Variants in ERC2 observed in about 807,000 individuals in gnomAD.
ERC2 encodes ELKS/RAB6-interacting/CAST family member 2, also known as ERC protein 2.
In ERC2, 42 loss-of-function variants were observed where a neutral mutation model predicts 114.8. That is an observed-to-expected ratio of 0.37 (90% confidence interval 0.29 to 0.47). The LOEUF is 0.47. Among genes scored for constraint, ERC2 ranks in the 20% least tolerant of loss-of-function variants. The pLI is 0.99. For synonymous variants in ERC2, 454 were observed against 425.5 expected (o/e 1.07, Z -0.82); for missense variants, 939 against 1,150.7 (o/e 0.82, Z 2.66).
At chr3:56,206,596 T>C (rs1204719805) in intron 3 of ERC2, among the ~76,000 whole-genome samples, 2 of 152,222 alleles carry the variant, frequency 1.3e-5, no homozygotes, top group African/African-American at 4.8e-5. Context: ...GTACTCTGTG[T>C]GTATAAATAT....
intron 14 of ERC2, among the ~76,000 whole-genome samples, chr3:55,810,112 T>C (rs777177595): frequency 1.3e-5 from 2 of 152,180 alleles, no homozygotes; most frequent in Non-Finnish European, 2.9e-5. Flanking sequence ...TCCATCTTAG[T>C]CCTCCATTCA....
chr3:55,568,958 G>A (rs2056540527), intron 17 of ERC2, among the ~76,000 whole-genome samples: 1 of 152,102 alleles, frequency 6.6e-6, no homozygotes, highest in South Asian at 2.1e-4. Context: ...CTTTGCATGT[G>A]CTCTTCTCAC....
At chr3:55,983,670 T>C (rs2070342334) in intron 12 of ERC2, among the ~76,000 whole-genome samples, 1 of 152,170 alleles carries the variant, frequency 6.6e-6, no homozygotes, top group Admixed American at 6.5e-5. Flanking sequence ...GTTACTGCAG[T>C]TTCCAAACTT....
At chr3:55,591,608 C>CGT (rs2057894066) in intron 17 of ERC2, among the ~76,000 whole-genome samples, 5 of 151,564 alleles carry the variant, frequency 3.3e-5, no homozygotes, top group African/African-American at 1.2e-4. Context: ...TGTGCGCGCG[C>CGT]GTGTGGTTTT....
At chr3:55,628,647 T>C (rs2059619118) in intron 17 of ERC2, among the ~76,000 whole-genome samples, 1 of 152,174 alleles carries the variant, frequency 6.6e-6, no homozygotes. Context: ...TTCCTTGGAT[T>C]CCAGTCCTAA....
chr3:56,154,840 G>C (rs928487654), intron 4 of ERC2, among the ~76,000 whole-genome samples: 37 of 152,256 alleles, frequency 2.4e-4, no homozygotes, highest in African/African-American at 8.7e-4. Context: ...CCCTAAGAGA[G>C]TGAAAAGTTG....
At chr3:55,532,803 TC>T (rs1324048306) in intron 17 of ERC2, among the ~76,000 whole-genome samples, 5 of 152,224 alleles carry the variant, frequency 3.3e-5, no homozygotes, top group Admixed American at 2.0e-4. Flanking sequence ...TCTCAGTTAA[TC>T]GGTTCACTTT....
chr3:55,843,060 G>A (rs1361022071), intron 14 of ERC2, among the ~76,000 whole-genome samples: 1 of 152,116 alleles, frequency 6.6e-6, no homozygotes, highest in Non-Finnish European at 1.5e-5. Context: ...GCTGGCCTGT[G>A]GTATACAACA....
At chr3:56,409,017 C>G (rs1287841405) in intron 2 of ERC2, among the ~76,000 whole-genome samples, 1 of 152,238 alleles carries the variant, frequency 6.6e-6, no homozygotes, top group African/African-American at 2.4e-5. Flanking sequence ...ATGTTGTCAT[C>G]AATCCAGTGA....
At chr3:56,123,659 C>A (rs963790274) in intron 6 of ERC2, among the ~76,000 whole-genome samples, 1 of 152,230 alleles carries the variant, frequency 6.6e-6, no homozygotes, top group African/African-American at 2.4e-5. Flanking sequence ...TCTGGCTCCA[C>A]AGAGGCCATT....
At chr3:55,873,637 T>C (rs1054285335) in intron 14 of ERC2, among the ~76,000 whole-genome samples, 3 of 152,304 alleles carry the variant, frequency 2.0e-5, no homozygotes, top group Middle Eastern at 3.4e-3. Flanking sequence ...CCTCAACCAA[T>C]CTAGTTTTCC....
At chr3:55,937,891 A>T (rs1255879635) in intron 13 of ERC2, among the ~76,000 whole-genome samples, 2 of 152,230 alleles carry the variant, frequency 1.3e-5, no homozygotes, top group Non-Finnish European at 2.9e-5. Flanking sequence ...AGTGGTCATC[A>T]GAGCCAGGGA....
At position 56,192,298 on chromosome 3, in the gene ERC2, T is replaced by C. The variant is rs577012157; in HGVS notation, c.1075-18778A>G. ...GTTTGCTAAATTTACTTAACTTCTTTAAGTTCCATCCATGTTTAAAATGAG... is the reference window on the plus strand; with the variant it reads ...GTTTGCTAAATTTACTTAACTTCTTCAAGTTCCATCCATGTTTAAAATGAG... On this transcript the variant is annotated intron_variant, in intron 3 of 17. Transcript: ENST00000288221. 3.3e-5 allele frequency among the ~76,000 whole-genome samples: 5 copies of C among 152,330 alleles called. No individual in the cohort carries two copies. In the South Asian group the frequency reaches 1.0e-3, roughly 32 times the overall value.
chr3:56,042,919 A>G (rs566710819), intron 7 of ERC2, among the ~76,000 whole-genome samples: 1 of 152,220 alleles, frequency 6.6e-6, no homozygotes, highest in Non-Finnish European at 1.5e-5. Flanking sequence ...AAATTGTCCT[A>G]AAACGGAACA....
At chr3:56,176,498 T>C (rs1181894669) in intron 3 of ERC2, among the ~76,000 whole-genome samples, 1 of 152,174 alleles carries the variant, frequency 6.6e-6, no homozygotes, top group Non-Finnish European at 1.5e-5. Context: ...TATATTATAA[T>C]ACAAACCAGC....
At chr3:56,401,449 T>C (rs2060516518) in intron 2 of ERC2, among the ~76,000 whole-genome samples, 1 of 152,232 alleles carries the variant, frequency 6.6e-6, no homozygotes, top group African/African-American at 2.4e-5. Context: ...AATCAATATT[T>C]ATTTCTATCA....
At chr3:56,439,769 T>C (rs1025080181) in intron 1 of ERC2, among the ~76,000 whole-genome samples, 6 of 152,132 alleles carry the variant, frequency 3.9e-5, no homozygotes, top group Non-Finnish European at 5.9e-5. Context: ...CCCTTTTGCA[T>C]TGAATGTTCA....
chr3:56,252,367 C>T (rs1428039863), intron 3 of ERC2, among the ~76,000 whole-genome samples: 1 of 151,944 alleles, frequency 6.6e-6, no homozygotes, highest in African/African-American at 2.4e-5. Flanking sequence ...ATACATGTTC[C>T]ATCTAAGGTT....
In ERC2 at chr3:55,776,219, C is replaced by T. The variant is rs570824331; in HGVS notation, c.2565-41301G>A. 1.7e-4 allele frequency among the ~76,000 whole-genome samples: 26 copies of T among 152,072 alleles called. No individual in the cohort carries two copies. In the East Asian group the frequency reaches 2.1e-3, roughly 12 times the overall value. The stretch of plus-strand genomic sequence containing the variant: ...AATTATAAAGGGCACACAAGCCACA[C>T]GGGGCCTCCATTTGTCCTATTGTCC... On this transcript the variant is annotated intron_variant, in intron 14 of 17. Coordinates refer to ENST00000288221, the MANE Select transcript of ERC2 (RefSeq NM_015576.3).
Sources: gnomAD v4.1 joint callset for allele counts (sites outside exome capture counted in the v4.1 genomes callset) on GRCh38, gnomAD v4.1.1 for gene constraint, MANE v1.5 for transcripts, NCBI Gene and HGNC (gene_info 2026-07-23, HGNC 2026-07-21) for gene names.